Variants in HOTAIR observed in about 807,000 individuals in gnomAD.
The protein encoded by HOTAIR is HOX transcript antisense RNA (non-protein coding).
At chr12:53,962,791 C>G (rs1168304186) in exon 7 of HOTAIR, 1 of 152,102 alleles carries the variant, frequency 6.6e-6, no homozygotes, top group Non-Finnish European at 1.5e-5. Flanking sequence ...TAAGTGTTCT[C>G]CTATGTCTAT....
At chr12:53,969,192 G>A (rs1007019396) in intron 1 of HOTAIR, among the ~76,000 whole-genome samples, 1 of 152,228 alleles carries the variant, frequency 6.6e-6, no homozygotes, top group African/African-American at 2.4e-5. Context: ...CCCAATAGCA[G>A]CGGCTCCATT....
At chr12:53,967,729 G>A (rs1167332459) in intron 2 of HOTAIR, among the ~76,000 whole-genome samples, 1 of 152,148 alleles carries the variant, frequency 6.6e-6, no homozygotes, top group Non-Finnish European at 1.5e-5. Context: ...TTAGTGAGGT[G>A]GTTTATGAGC....
exon 7 of HOTAIR, chr12:53,962,522 A>G (rs766816108): frequency 6.6e-6 from 1 of 152,244 alleles, no homozygotes; most frequent in Non-Finnish European, 1.5e-5. Context: ...CACAAAGTGC[A>G]TACCTACCCA....
chr12:53,972,927 C>G (rs557924780), intron 1 of HOTAIR, among the ~76,000 whole-genome samples: 20 of 149,924 alleles, frequency 1.3e-4, no homozygotes, highest in African/African-American at 4.6e-4. Flanking sequence ...TCTCTCTCCT[C>G]CTTTGCTCGT....
intron 1 of HOTAIR, among the ~76,000 whole-genome samples, chr12:53,969,279 G>T (rs951478009): frequency 1.3e-5 from 2 of 152,242 alleles, no homozygotes; most frequent in African/African-American, 4.8e-5. Context: ...TCGTAAAATA[G>T]GGCTTTTATG....
At position 53,973,810 on chromosome 12, in the gene HOTAIR, C is replaced by T; in HGVS notation, n.59+1088G>A. Reference sequence around the variant, plus strand: ...GAGGCACCCCCGGCCTCGGGACTGGCGTCCCGGGCTGAGGCGGGTGCCGAG... The same window carrying T: ...GAGGCACCCCCGGCCTCGGGACTGGTGTCCCGGGCTGAGGCGGGTGCCGAG... On this transcript the variant is annotated intron_variant and non_coding_transcript_variant, in intron 1 of 6. Transcript: ENST00000424518. The surrounding 1 kb of genome is among the most constrained non-coding windows in gnomAD (Gnocchi z 4.3). 1 of 1,527,588 alleles carries T rather than the reference C, an allele frequency of 6.5e-7. No homozygotes were observed. The highest frequency in any genetic ancestry group is 8.8e-7 in the Non-Finnish European group (1 of 1,133,316). The allele number at this position is 1,527,588 out of a possible 1,614,324, so 94.6% of individuals were successfully genotyped here.
At chr12:53,974,112 G>A (rs969696947) in intron 1 of HOTAIR, among the ~76,000 whole-genome samples, 23 of 150,886 alleles carry the variant, frequency 1.5e-4, no homozygotes, top group African/African-American at 5.3e-4. Flanking sequence ...CCAACGACTC[G>A]ACTTTTTACG....
chr12:53,972,469 T>C (rs1274641382), intron 1 of HOTAIR, among the ~76,000 whole-genome samples: 5 of 151,678 alleles, frequency 3.3e-5, no homozygotes, highest in African/African-American at 4.8e-5. Flanking sequence ...TCTGACTCCC[T>C]AGCCAGGGGC....
chr12:53,974,684 A>C (rs1218850247), intron 1 of HOTAIR, among the ~76,000 whole-genome samples: 1 of 149,386 alleles, frequency 6.7e-6, no homozygotes, highest in Non-Finnish European at 1.5e-5. Context: ...AGGGCCCCGG[A>C]AGCGGCTCTC....
intron 4 of HOTAIR, chr12:53,966,205 C>CCCTT (rs892158667): frequency 2.0e-5 from 3 of 152,078 alleles, no homozygotes; most frequent in African/African-American, 7.3e-5. Context: ...CAGCTGGGGA[C>CCCTT]CCTTCCCTCC....
At chr12:53,964,665 C>T (rs1243865874) in intron 5 of HOTAIR, among the ~76,000 whole-genome samples, 1 of 152,128 alleles carries the variant, frequency 6.6e-6, no homozygotes, top group African/African-American at 2.4e-5. Context: ...AAGTATTTCT[C>T]TTTTATTGTC....
At chr12:53,967,045 C>T (rs960826034) in intron 3 of HOTAIR, among the ~76,000 whole-genome samples, 3 of 152,196 alleles carry the variant, frequency 2.0e-5, no homozygotes, top group Non-Finnish European at 4.4e-5. Context: ...TCCTGGACCT[C>T]ACAGCTCGTT....
intron 1 of HOTAIR, among the ~76,000 whole-genome samples, chr12:53,974,501 G>C (rs987608313): frequency 3.9e-4 from 60 of 152,130 alleles, no homozygotes; most frequent in African/African-American, 1.4e-3. Context: ...GGGTCCTCGA[G>C]CAGAAACCCA....
At chr12:53,968,438 A>C (rs549375240) in intron 2 of HOTAIR, 1 of 152,342 alleles carries the variant, frequency 6.6e-6, no homozygotes, top group Middle Eastern at 3.4e-3. Context: ...AGGCTCTCCA[A>C]GTTTGGGGCC....
chr12:53,967,556 G>A (rs573731134), intron 2 of HOTAIR, among the ~76,000 whole-genome samples: 10 of 152,226 alleles, frequency 6.6e-5, no homozygotes, highest in Non-Finnish European at 1.5e-4. Context: ...GTTACAAAAT[G>A]CCTGGGCTCA....
intron 5 of HOTAIR, chr12:53,964,374 C>T (rs1174595125): frequency 6.6e-6 from 1 of 151,740 alleles, no homozygotes; most frequent in African/African-American, 2.4e-5. Context: ...ATCTGAGTCT[C>T]CTTTAAAGGG....
At chr12:53,972,697 A>G in intron 1 of HOTAIR, among the ~76,000 whole-genome samples, 1 of 152,134 alleles carries the variant, frequency 6.6e-6, no homozygotes, top group East Asian at 1.9e-4. Flanking sequence ...GATTTAAGGG[A>G]AAGGATTCAC....
rs1939194746 is a variant in HOTAIR, at chr12:53,973,774, A to C, written n.59+1124T>G. 1 of 1,608,328 alleles carries C rather than the reference A, an allele frequency of 6.2e-7. No individual in the cohort carries two copies. ...CCCTGCTCCGGCAAGGGCGAGGCCA[A>C]GGGGGAGCCCGAGGCACCCCCGGCC... is the stretch of plus-strand genomic sequence containing the variant. On this transcript the variant is annotated intron_variant and non_coding_transcript_variant, in intron 1 of 6. Transcript: ENST00000424518. This position sits in a 1 kb window ranked among gnomAD's most constrained non-coding sequence, Gnocchi z 4.3.
intron 1 of HOTAIR, among the ~76,000 whole-genome samples, chr12:53,972,245 T>C (rs902660445): frequency 6.6e-6 from 1 of 152,240 alleles, no homozygotes; most frequent in Non-Finnish European, 1.5e-5. Flanking sequence ...ATGGCTCTCA[T>C]TCCAATCCTT....
Sources: gnomAD v4.1 joint callset for allele counts (sites outside exome capture counted in the v4.1 genomes callset) on GRCh38, gnomAD v4.1.1 for gene constraint, Gnocchi (gnomAD v3.1) non-coding constraint, MANE v1.5 for transcripts, NCBI Gene and HGNC (gene_info 2026-07-23, HGNC 2026-07-21) for gene names.